The following NEDD4L variants were observed in gnomAD, a reference collection of about 807,000 sequenced individuals.
The protein encoded by NEDD4L is NEDD4 like E3 ubiquitin protein ligase, also known as E3 ubiquitin-protein ligase NEDD4-like.
Under a neutral mutation model 148.9 loss-of-function variants are expected in NEDD4L, and 54 were observed. That is an observed-to-expected ratio of 0.36 (90% CI 0.29 to 0.45). The LOEUF is 0.45. Among genes scored for constraint, NEDD4L ranks in the 20% least tolerant of loss-of-function variants. The probability of loss-of-function intolerance (pLI) is 1.00; values close to 1 mark genes in which losing one functional copy is unlikely to be tolerated. For missense variants in NEDD4L, 856 were observed against 1,233.8 expected, an observed-to-expected ratio of 0.69 and a Z score of 4.59; for synonymous variants, 433 against 440.7, an observed-to-expected ratio of 0.98 and a Z score of 0.22.
intron 19 of NEDD4L, among the ~76,000 whole-genome samples, chr18:58,362,275 T>C (rs1199845570): frequency 5.3e-5 from 8 of 152,336 alleles, no homozygotes; most frequent in Non-Finnish European, 1.0e-4. Context: ...AAGCTTTTTT[T>C]CCAACATTTT....
chr18:58,181,028 GAC>G (rs1275456585), intron 2 of NEDD4L, among the ~76,000 whole-genome samples: 1 of 152,320 alleles, frequency 6.6e-6, no homozygotes, highest in Non-Finnish European at 1.5e-5. Context: ...TTTTTCAGAG[GAC>G]ATCGTTAATT....
Position 58,242,148 on chromosome 18 carries a change from A to T in NEDD4L, c.123-3279A>T, listed in dbSNP as rs116840257. Reference sequence around the variant, plus strand: ...AGCATGCTGCAGTTGGCCAGCACCCAGTGTGTACTGTGAGGTAATCAGTGT... The same window carrying T: ...AGCATGCTGCAGTTGGCCAGCACCCTGTGTGTACTGTGAGGTAATCAGTGT... On this transcript the variant is annotated intron_variant, in intron 2 of 30. Transcript: ENST00000400345. Among the ~76,000 whole-genome samples the T allele has an allele frequency of 5.2e-3, 799 of 152,310 alleles. 3 individuals carry two copies. Among genetic ancestry groups the T allele is most frequent in the African/African-American group, 0.018 (766 of 41,570 alleles).
intron 2 of NEDD4L, among the ~76,000 whole-genome samples, chr18:58,179,071 A>G (rs908326219): frequency 1.3e-5 from 2 of 152,232 alleles, no homozygotes; most frequent in African/African-American, 4.8e-5. Context: ...GTGCGAGTTC[A>G]TTGAGAACAG....
intron 1 of NEDD4L, among the ~76,000 whole-genome samples, chr18:58,081,619 A>C (rs1469217721): frequency 6.6e-6 from 1 of 152,204 alleles, no homozygotes; most frequent in Non-Finnish European, 1.5e-5. Context: ...CGGTCAAAAC[A>C]AAGCAAAACA....
chr18:58,180,151 A>C lies in NEDD4L; in HGVS notation c.122+14290A>C, dbSNP rs114140055. ...CATTGCCCTGGGTGAACGGGGGCAC[A>C]GAGGTCTTTGTGACGCCCTGCAACG... On this transcript the variant is annotated intron_variant, in intron 2 of 30. Coordinates refer to ENST00000400345, the MANE Select transcript of NEDD4L (RefSeq NM_001144967.3). Among the ~76,000 whole-genome samples, 687 of 152,272 alleles carry C rather than the reference A, an allele frequency of 4.5e-3. 4 individuals are homozygous for C. Among genetic ancestry groups the C allele is most frequent in the African/African-American group, 0.016 (657 of 41,550 alleles).
intron 16 of NEDD4L, among the ~76,000 whole-genome samples, chr18:58,346,178 G>A (rs536674078): frequency 7.2e-5 from 11 of 152,296 alleles, no homozygotes; most frequent in African/African-American, 2.6e-4. Flanking sequence ...AAGGAGGGAT[G>A]TTCCATCCTC....
chr18:58,401,486 G>C lies in NEDD4L; in HGVS notation c.*5217G>C, dbSNP rs895243845. The C allele has an allele frequency of 6.6e-6, 1 of 152,194 alleles. No homozygotes were observed. The highest frequency in any genetic ancestry group is 1.5e-5 in the Non-Finnish European group (1 of 68,040). The allele number at this position is 152,194 out of a possible 1,614,324, so 9.4% of individuals were successfully genotyped here. A position where few individuals can be genotyped will look rare whatever the true frequency, so the allele number is the denominator to read the frequency against. On this transcript the variant is annotated 3_prime_UTR_variant, in exon 31 of 31. Coordinates refer to ENST00000400345, the MANE Select transcript of NEDD4L (RefSeq NM_001144967.3). ...CAAAATGAAGTCATTGTAAAGAAGC[G>C]ATGCAACTTGTCAAATATTTAATAA...
intron 1 of NEDD4L, among the ~76,000 whole-genome samples, chr18:58,135,589 T>A (rs1229539150): frequency 1.3e-5 from 2 of 152,260 alleles, no homozygotes; most frequent in East Asian, 3.8e-4. Context: ...CGAGTTGTGA[T>A]CTCAAGCAGT....
chr18:58,177,300 GTATGA>G (rs1424880055), intron 2 of NEDD4L, among the ~76,000 whole-genome samples: 8 of 152,080 alleles, frequency 5.3e-5, no homozygotes, highest in African/African-American at 1.9e-4. Context: ...AGAAGCTCAA[GTATGA>G]GGAAGGGAAG....
intron 2 of NEDD4L, among the ~76,000 whole-genome samples, chr18:58,243,258 T>A (rs954295516): frequency 2.6e-5 from 4 of 152,218 alleles, no homozygotes; most frequent in Admixed American, 2.6e-4. Flanking sequence ...TGTATGTGCG[T>A]GTGTGTGCAC....
chr18:58,049,067 G>A (rs2081733863), intron 1 of NEDD4L, among the ~76,000 whole-genome samples: 2 of 152,164 alleles, frequency 1.3e-5, no homozygotes, highest in East Asian at 1.9e-4. Flanking sequence ...TTATTTCAGA[G>A]AAGTTGAAAT....
chr18:58,373,736 T>C (rs2047193133), intron 24 of NEDD4L, among the ~76,000 whole-genome samples: 1 of 152,224 alleles, frequency 6.6e-6, no homozygotes, highest in Admixed American at 6.5e-5. Context: ...TTTTCTACCA[T>C]TCCCTCTGCT....
intron 2 of NEDD4L, among the ~76,000 whole-genome samples, chr18:58,207,370 G>C (rs1179885563): frequency 6.6e-6 from 1 of 151,538 alleles, no homozygotes; most frequent in Non-Finnish European, 1.5e-5. Context: ...AGCCAATGCA[G>C]CGTCCTTGAA....
chr18:58,290,677 T>A (rs2054590060), intron 5 of NEDD4L, among the ~76,000 whole-genome samples: 1 of 152,108 alleles, frequency 6.6e-6, no homozygotes, highest in Non-Finnish European at 1.5e-5. Context: ...TATGCAGCTT[T>A]GAACAAAGGA....
At chr18:58,344,949 C>T (rs1443460944) in intron 16 of NEDD4L, among the ~76,000 whole-genome samples, 2 of 152,230 alleles carry the variant, frequency 1.3e-5, no homozygotes, top group East Asian at 3.8e-4. Flanking sequence ...AATCCCCTAA[C>T]CTTTTCACAG....
At chr18:58,112,244 A>C (rs1396062790) in intron 1 of NEDD4L, among the ~76,000 whole-genome samples, 2 of 152,174 alleles carry the variant, frequency 1.3e-5, no homozygotes, top group East Asian at 3.8e-4. Context: ...ATCAACTGAC[A>C]AGTTTAGTGG....
intron 6 of NEDD4L, among the ~76,000 whole-genome samples, chr18:58,319,590 G>A (rs1032402257): frequency 6.6e-5 from 10 of 152,162 alleles, no homozygotes; most frequent in African/African-American, 2.4e-4. Context: ...TGTTTAAGAT[G>A]GCTTTCCACC....
At chr18:58,299,546 A>T (rs1446674798) in intron 5 of NEDD4L, among the ~76,000 whole-genome samples, 1 of 152,226 alleles carries the variant, frequency 6.6e-6, no homozygotes, top group Non-Finnish European at 1.5e-5. Context: ...ATCTGGAGCT[A>T]GTTGCCATTT....
At chr18:58,231,237 C>CAAAAAAAAAA (rs67220469) in intron 2 of NEDD4L, among the ~76,000 whole-genome samples, 7 of 90,128 alleles carry the variant, frequency 7.8e-5, no homozygotes, top group Admixed American at 2.4e-4. Flanking sequence ...GACCCTATCT[C>CAAAAAAAAAA]AAAAAAAAAA....
Sources: gnomAD v4.1 joint callset for allele counts (sites outside exome capture counted in the v4.1 genomes callset) on GRCh38, gnomAD v4.1.1 for gene constraint, MANE v1.5 for transcripts, NCBI Gene and HGNC (gene_info 2026-07-23, HGNC 2026-07-21) for gene names.